VWC2: variants seen among roughly 807,000 people sequenced by gnomAD.
The protein encoded by VWC2 is von Willebrand factor C domain containing 2, also known as brorin.
Under a neutral mutation model 29.8 loss-of-function variants are expected in VWC2, and 14 were observed. That is an observed-to-expected ratio of 0.47 (90% CI 0.31 to 0.74). VWC2 has a LOEUF of 0.74. Among genes scored for constraint, VWC2 ranks in the 30% least tolerant of loss-of-function variants. The pLI is 0.05. For synonymous variants in VWC2, 213 were observed against 199.0 expected (o/e 1.07, Z -0.59); for missense variants, 457 against 459.8 (o/e 0.99, Z 0.05).
At chr7:49,792,408 G>A (rs942516285) in intron 2 of VWC2, among the ~76,000 whole-genome samples, 13 of 152,186 alleles carry the variant, frequency 8.5e-5, no homozygotes, top group Admixed American at 3.3e-4. Flanking sequence ...GTGCATTTAC[G>A]CTGCACTAGA....
intron 3 of VWC2, among the ~76,000 whole-genome samples, chr7:49,849,753 T>C (rs1440269175): frequency 6.6e-6 from 1 of 152,216 alleles, no homozygotes; most frequent in Non-Finnish European, 1.5e-5. Context: ...CTGTCACTTA[T>C]TCTGCTCTCT....
At chr7:49,876,486 A>G (rs1431846816) in intron 3 of VWC2, among the ~76,000 whole-genome samples, 2 of 152,156 alleles carry the variant, frequency 1.3e-5, no homozygotes, top group Non-Finnish European at 2.9e-5. Context: ...TTAAGACCAC[A>G]AACTCATCTA....
At position 49,917,752 on chromosome 7, in the gene VWC2, A is replaced by T. The variant is rs1032548122; in HGVS notation, c.*5567A>T. The T allele has an allele frequency of 2.6e-5, 4 of 152,146 alleles. No homozygotes were observed. The highest frequency in any genetic ancestry group is 4.4e-5 in the Non-Finnish European group (3 of 68,014). 9.4% of individuals were successfully genotyped at this position (152,146 alleles called of 1,614,324 possible). A position where few individuals can be genotyped will look rare whatever the true frequency, so the allele number is the denominator to read the frequency against. On this transcript the variant is annotated 3_prime_UTR_variant, in exon 4 of 4. Transcript: ENST00000340652. The stretch of plus-strand genomic sequence containing the variant: ...GTATTTAGATGATTAATATTTAATG[A>T]TCATTATTTTATTTAATGATTAATA...
At chr7:49,880,583 T>C (rs1231255122) in intron 3 of VWC2, among the ~76,000 whole-genome samples, 1 of 151,478 alleles carries the variant, frequency 6.6e-6, no homozygotes, top group Non-Finnish European at 1.5e-5. Flanking sequence ...TTTTTTATTT[T>C]TATTTATTTA....
chr7:49,855,678 G>A (rs1004905388), intron 3 of VWC2, among the ~76,000 whole-genome samples: 12 of 152,166 alleles, frequency 7.9e-5, no homozygotes, highest in Non-Finnish European at 1.8e-4. Context: ...GCCTTGTGGT[G>A]GCAGATGGTG....
chr7:49,821,513 T>C (rs1036869851), intron 3 of VWC2, among the ~76,000 whole-genome samples: 3 of 152,156 alleles, frequency 2.0e-5, no homozygotes, highest in South Asian at 2.1e-4. Flanking sequence ...GTAAAACAAA[T>C]CCTGCTACTA....
chr7:49,844,363 C>G (rs1789868136), intron 3 of VWC2, among the ~76,000 whole-genome samples: 1 of 152,184 alleles, frequency 6.6e-6, no homozygotes, highest in African/African-American at 2.4e-5. Flanking sequence ...TTTCACAGTT[C>G]TAGGTAAGCC....
chr7:49,904,341 A>G (rs1335740444), intron 3 of VWC2, among the ~76,000 whole-genome samples: 2 of 152,304 alleles, frequency 1.3e-5, no homozygotes, highest in East Asian at 1.9e-4. Context: ...TAACTTTGGG[A>G]AAAAAACTGA....
At chr7:49,831,995 C>A (rs1016222802) in intron 3 of VWC2, among the ~76,000 whole-genome samples, 1 of 152,134 alleles carries the variant, frequency 6.6e-6, no homozygotes, top group Non-Finnish European at 1.5e-5. Flanking sequence ...CTGAGGCCAG[C>A]CTGTTCTCAG....
chr7:49,793,516 G>A (rs2128704263), intron 2 of VWC2, among the ~76,000 whole-genome samples: 1 of 152,166 alleles, frequency 6.6e-6, no homozygotes, highest in East Asian at 1.9e-4. Context: ...ACACCTGTGT[G>A]TACATGTGTT....
chr7:49,864,063 G>T (rs1406383560), intron 3 of VWC2, among the ~76,000 whole-genome samples: 1 of 151,914 alleles, frequency 6.6e-6, no homozygotes, highest in East Asian at 1.9e-4. Flanking sequence ...TCTTCCAGAG[G>T]TCTCCTGTTT....
intron 3 of VWC2, among the ~76,000 whole-genome samples, chr7:49,842,521 G>A (rs1425922815): frequency 6.6e-6 from 1 of 152,162 alleles, no homozygotes; most frequent in Non-Finnish European, 1.5e-5. Context: ...ACCATCCAGT[G>A]TAACTCAGTG....
At chr7:49,828,826 T>TG (rs1230638440) in intron 3 of VWC2, among the ~76,000 whole-genome samples, 1 of 152,196 alleles carries the variant, frequency 6.6e-6, no homozygotes, top group African/African-American at 2.4e-5. Flanking sequence ...CTGGTTGTCC[T>TG]GTAAGCAGGC....
intron 3 of VWC2, among the ~76,000 whole-genome samples, chr7:49,877,485 T>C (rs369251389): frequency 1.3e-4 from 2 of 14,924 alleles, no homozygotes; most frequent in Non-Finnish European, 2.4e-4. Context: ...AAAAAAAATA[T>C]ATATATATAT....
intron 3 of VWC2, among the ~76,000 whole-genome samples, chr7:49,809,566 A>G (rs1288406393): frequency 3.9e-5 from 6 of 152,020 alleles, no homozygotes; most frequent in African/African-American, 1.4e-4. Flanking sequence ...ACACCCCACA[A>G]AAAAGAAAGG....
intron 3 of VWC2, among the ~76,000 whole-genome samples, chr7:49,809,056 T>C (rs1266173841): frequency 6.6e-6 from 1 of 151,914 alleles, no homozygotes; most frequent in African/African-American, 2.4e-5. Flanking sequence ...TAGAAACTAG[T>C]AAAGCTTAGG....
intron 2 of VWC2, among the ~76,000 whole-genome samples, chr7:49,781,736 T>C (rs1023932565): frequency 4.6e-5 from 7 of 152,196 alleles, no homozygotes; most frequent in Non-Finnish European, 8.8e-5. Context: ...GTGCCTTGCT[T>C]ATATGTATGT....
chr7:49,849,245 T>C (rs691084), intron 3 of VWC2, among the ~76,000 whole-genome samples: 7,687 of 152,290 alleles, frequency 0.05, 646 homozygotes, highest in African/African-American at 0.17. Context: ...AATGCTTTTG[T>C]CTTTTATGAA....
chr7:49,835,945 A>C (rs929863771), intron 3 of VWC2, among the ~76,000 whole-genome samples: 2 of 152,232 alleles, frequency 1.3e-5, no homozygotes, highest in African/African-American at 4.8e-5. Flanking sequence ...ATAAAAACAA[A>C]CAATGATAAA....
Sources: allele counts gnomAD v4.1 joint callset (sites outside exome capture counted in the v4.1 genomes callset), GRCh38; gene constraint gnomAD v4.1.1; transcripts MANE v1.5; gene names NCBI Gene and HGNC (gene_info 2026-07-23, HGNC 2026-07-21).